The following KL variants were observed in gnomAD, a reference collection of about 807,000 sequenced individuals.
KL encodes alpha-klotho.
A neutral mutation model predicts 84.2 loss-of-function variants in KL; 62 were observed. The observed-to-expected ratio is 0.74, with a 90% CI of 0.60 to 0.91. The LOEUF (loss-of-function observed/expected upper bound fraction) is 0.91, where lower values mean the gene tolerates loss of function less well. Ranked by LOEUF, KL falls within the 40% of genes least tolerant of loss-of-function variation. KL has a pLI of 0.00. For missense variants in KL, 1,261 were observed against 1,305.7 expected (o/e 0.97, Z 0.53); for synonymous variants, 528 against 528.0 (o/e 1.00, Z 0.00).
At position 33,016,750 on chromosome 13, in the gene KL, T is replaced by A. The variant is rs769982099; in HGVS notation, c.310T>A (p.Ser104Thr). ...CCACCCCCTGGCACCCCCGGGAGAC[T>A]CCCGGAACGCCAGTCTGCCGTTGGG... ...THHPLAPPGDSRNASLPLGAP... is the reference protein window; with the variant it reads ...THHPLAPPGDTRNASLPLGAP... The change falls in exon 1 of 5, where the codon TCC becomes ACC. Residue 104 changes from serine (S) to threonine (T), a missense_variant. Transcript: ENST00000380099. 6.2e-7 allele frequency: 1 copy of A among 1,611,570 alleles called. No homozygotes were observed. The highest frequency in any genetic ancestry group is 1.1e-5 in the South Asian group (1 of 90,922).
At chr13:33,062,847 G>C (rs1385654660) in intron 4 of KL, among the ~76,000 whole-genome samples, 1 of 152,094 alleles carries the variant, frequency 6.6e-6, no homozygotes, top group African/African-American at 2.4e-5. Context: ...GACCAAGCGA[G>C]GGGGTGGGAG....
intron 1 of KL, among the ~76,000 whole-genome samples, chr13:33,033,458 C>CT (rs1438837924): frequency 6.6e-6 from 1 of 152,178 alleles, no homozygotes; most frequent in Non-Finnish European, 1.5e-5. Context: ...TGTCTCAACT[C>CT]TGACTCCTGC....
intron 1 of KL, among the ~76,000 whole-genome samples, chr13:33,049,355 G>A (rs982881561): frequency 1.3e-5 from 2 of 152,128 alleles, no homozygotes; most frequent in Non-Finnish European, 2.9e-5. Flanking sequence ...TGGCTCTGTT[G>A]CAGAGACTTT....
Position 33,056,731 on chromosome 13 carries a change from A to G in KL, c.1599+1416A>G, listed in dbSNP as rs538879414. Among the ~76,000 whole-genome samples, 3 of 151,868 alleles carry G rather than the reference A, an allele frequency of 2.0e-5. No individual in the cohort carries two copies. In the South Asian group the frequency reaches 6.2e-4, roughly 32 times the overall value. On this transcript the variant is annotated intron_variant, in intron 3 of 4. Transcript: ENST00000380099. ...TGGGGCAGGAGAATGGCATGAACCCAGGAGGCGGAGCTTGCAGTGAGCCGA... is the reference window on the plus strand; with the variant it reads ...TGGGGCAGGAGAATGGCATGAACCCGGGAGGCGGAGCTTGCAGTGAGCCGA...
At chr13:33,024,284 G>A (rs1442605345) in intron 1 of KL, among the ~76,000 whole-genome samples, 5 of 152,242 alleles carry the variant, frequency 3.3e-5, no homozygotes, top group Admixed American at 2.6e-4. Flanking sequence ...TGGCAGGCAG[G>A]TGCAATGTTG....
intron 1 of KL, among the ~76,000 whole-genome samples, chr13:33,029,793 C>A (rs902220219): frequency 3.8e-4 from 58 of 152,204 alleles, no homozygotes; most frequent in African/African-American, 1.3e-3. Flanking sequence ...GCCGCCATGC[C>A]TGGCTAATTT....
In KL at chr13:33,061,088, C is replaced by T. The variant is rs567660485; in HGVS notation, c.2009C>T (p.Ala670Val). Reference sequence around the variant, plus strand: ...ACTGCCCTGGCCTTTGCAGAGTATGCCCGACTGTGCTTTCAAGAGCTCGGC... The same window carrying T: ...ACTGCCCTGGCCTTTGCAGAGTATGTCCGACTGTGCTTTCAAGAGCTCGGC... ...PYTALAFAEY[A>V]RLCFQELGHH... The change falls in exon 4 of 5, where the codon GCC (alanine) becomes GTC (valine). Residue 670 changes from alanine (A) to valine (V), a missense_variant. Ala to Val is a moderately conservative substitution (Grantham distance 64, BLOSUM62 0). Coordinates refer to ENST00000380099, the MANE Select transcript of KL (RefSeq NM_004795.4). 1.9e-6 allele frequency: 3 copies of T among 1,613,436 alleles called. No homozygotes were observed. The highest frequency in any genetic ancestry group is 2.7e-5 in the African/African-American group (2 of 75,050).
chr13:33,050,408 G>A (rs1474144236), intron 1 of KL, among the ~76,000 whole-genome samples: 2 of 152,164 alleles, frequency 1.3e-5, no homozygotes, highest in Middle Eastern at 3.2e-3. Context: ...TCTGTCAAAT[G>A]TACCATCCGC....
intron 1 of KL, among the ~76,000 whole-genome samples, chr13:33,027,664 C>T (rs1870828230): frequency 6.6e-6 from 1 of 152,162 alleles, no homozygotes; most frequent in Admixed American, 6.5e-5. Context: ...AATCATTGCA[C>T]CTACAATGAC....
At chr13:33,038,997 C>G (rs562943302) in intron 1 of KL, among the ~76,000 whole-genome samples, 21 of 152,060 alleles carry the variant, frequency 1.4e-4, no homozygotes, top group African/African-American at 2.9e-4. Context: ...TAATAAATGC[C>G]CACTGTCCTA....
chr13:33,042,069 TA>T (rs774163867), intron 1 of KL, among the ~76,000 whole-genome samples: 8 of 152,306 alleles, frequency 5.3e-5, no homozygotes, highest in South Asian at 2.1e-4. Context: ...TAAATATATA[TA>T]TTTTTTTAAC....
At chr13:33,017,463 T>C (rs1366227407) in intron 1 of KL, among the ~76,000 whole-genome samples, 1 of 151,980 alleles carries the variant, frequency 6.6e-6, no homozygotes, top group East Asian at 1.9e-4. Flanking sequence ...GGCACACGAG[T>C]GAGTGCCCCT....
chr13:33,047,047 TA>T (rs748810296), intron 1 of KL, among the ~76,000 whole-genome samples: 11 of 152,194 alleles, frequency 7.2e-5, no homozygotes, highest in Non-Finnish European at 1.5e-4. Context: ...TATTAAGACT[TA>T]TTTTCTGGTC....
At chr13:33,019,911 C>A (rs143972830) in intron 1 of KL, among the ~76,000 whole-genome samples, 1 of 152,208 alleles carries the variant, frequency 6.6e-6, no homozygotes, top group Non-Finnish European at 1.5e-5. Context: ...AACTGCTCAG[C>A]CTTCACAGCT....
chr13:33,036,695 T>G (rs757432021), intron 1 of KL, among the ~76,000 whole-genome samples: 43 of 152,326 alleles, frequency 2.8e-4, no homozygotes, highest in Non-Finnish European at 4.6e-4. Flanking sequence ...GGTAAAAATT[T>G]CATGACAGCA....
chr13:33,052,396 C>G (rs1334468504), intron 1 of KL, among the ~76,000 whole-genome samples: 1 of 152,068 alleles, frequency 6.6e-6, no homozygotes, highest in East Asian at 1.9e-4. Context: ...CGATTAAGAC[C>G]CTGGTTTCTT....
intron 1 of KL, among the ~76,000 whole-genome samples, 183 bp downstream of exon 1, chr13:33,017,442 A>C (rs1279847602): frequency 6.6e-6 from 1 of 152,182 alleles, no homozygotes; most frequent in Non-Finnish European, 1.5e-5. Flanking sequence ...TAGGAGAGAA[A>C]TCCCTTAGTG....
At chr13:33,048,947 G>A (rs549680577) in intron 1 of KL, among the ~76,000 whole-genome samples, 20 of 152,224 alleles carry the variant, frequency 1.3e-4, no homozygotes, top group Non-Finnish European at 2.1e-4. Context: ...AAAATTTGGG[G>A]CTACTAGCTA....
At chr13:33,053,250 G>A (rs1871819461) in intron 1 of KL, among the ~76,000 whole-genome samples, 1 of 152,144 alleles carries the variant, frequency 6.6e-6, no homozygotes, top group Admixed American at 6.5e-5. Flanking sequence ...GAAGAAAGAA[G>A]ATTGCTTGTT....
Sources: allele counts gnomAD v4.1 joint callset (sites outside exome capture counted in the v4.1 genomes callset), GRCh38; gene constraint gnomAD v4.1.1; transcripts MANE v1.5; gene names NCBI Gene and HGNC (gene_info 2026-07-23, HGNC 2026-07-21).